Variants in MGMT observed in about 807,000 individuals in gnomAD.
The protein encoded by MGMT is O-6-methylguanine-DNA methyltransferase.
Under a neutral mutation model 15.9 loss-of-function variants are expected in MGMT, and 14 were observed. That is an observed-to-expected ratio of 0.88 (90% CI 0.58 to 1.37). The LOEUF (loss-of-function observed/expected upper bound fraction) is 1.37. Among genes scored for constraint, MGMT ranks in the 40% most tolerant of loss-of-function variants. The probability of loss-of-function intolerance (pLI) is 0.00; values close to 1 mark genes in which losing one functional copy is unlikely to be tolerated. For synonymous variants in MGMT, 130 were observed against 118.2 expected (o/e 1.10, Z -0.65); for missense variants, 282 against 268.1 (o/e 1.05, Z -0.36).
chr10:129,501,682 T>G (rs1210112590), intron 1 of MGMT, among the ~76,000 whole-genome samples: 1 of 152,214 alleles, frequency 6.6e-6, no homozygotes, highest in African/African-American at 2.4e-5. Context: ...AGGTGATGAT[T>G]TTAATGGTAT....
At chr10:129,568,370 C>T (rs192250771) in intron 2 of MGMT, among the ~76,000 whole-genome samples, 18 of 152,302 alleles carry the variant, frequency 1.2e-4, no homozygotes, top group South Asian at 4.2e-4. Context: ...GATTCCTCCT[C>T]GTCAGGAGCC....
chr10:129,639,978 T>G (rs1484027240), intron 2 of MGMT, among the ~76,000 whole-genome samples: 2 of 150,504 alleles, frequency 1.3e-5, no homozygotes, highest in Non-Finnish European at 2.9e-5. Flanking sequence ...TGAAGTCATA[T>G]ATTAACAATG....
intron 1 of MGMT, among the ~76,000 whole-genome samples, chr10:129,489,605 T>C (rs1050766868): frequency 3.3e-5 from 5 of 152,112 alleles, no homozygotes; most frequent in Admixed American, 2.0e-4. Flanking sequence ...GAATATGCGC[T>C]CTTGCACTCT....
chr10:129,757,403 C>A (rs1589978685), intron 3 of MGMT, among the ~76,000 whole-genome samples: 2 of 152,188 alleles, frequency 1.3e-5, no homozygotes, highest in South Asian at 4.1e-4. Context: ...GCACACACCT[C>A]CCTCGTTTCA....
chr10:129,636,003 C>T (rs117995847), intron 2 of MGMT, among the ~76,000 whole-genome samples: 4,582 of 152,310 alleles, frequency 0.03, 109 homozygotes, highest in Non-Finnish European at 0.048. Flanking sequence ...TTAAAATATG[C>T]ATGCTCTTGG....
chr10:129,646,748 A>ATATATATATATATATATATATG (rs1847396387), intron 2 of MGMT, among the ~76,000 whole-genome samples: 1 of 63,644 alleles, frequency 1.6e-5, no homozygotes, highest in Non-Finnish European at 3.5e-5. Flanking sequence ...ATATATATAT[A>ATATATATATATATATATATATG]TATATATTTT....
intron 3 of MGMT, among the ~76,000 whole-genome samples, chr10:129,746,285 G>A (rs1435959323): frequency 6.8e-6 from 1 of 147,454 alleles, no homozygotes; most frequent in East Asian, 2.0e-4. Context: ...GACTTTCATA[G>A]ACCAAACTTT....
At chr10:129,755,356 G>T (rs1276903112) in intron 3 of MGMT, among the ~76,000 whole-genome samples, 1 of 152,224 alleles carries the variant, frequency 6.6e-6, no homozygotes, top group Non-Finnish European at 1.5e-5. Context: ...GCACAGGGAT[G>T]TCCTGCAGGA....
At chr10:129,487,546 C>CT (rs548567927) in intron 1 of MGMT, among the ~76,000 whole-genome samples, 43 of 150,018 alleles carry the variant, frequency 2.9e-4, no homozygotes, top group East Asian at 2.2e-3. Flanking sequence ...TTTTGTTTTC[C>CT]TTTTTTTTTG....
At chr10:129,621,106 T>G (rs191204037) in intron 2 of MGMT, among the ~76,000 whole-genome samples, 223 of 152,336 alleles carry the variant, frequency 1.5e-3, no homozygotes, top group Non-Finnish European at 2.8e-3. Flanking sequence ...GAACTGGGTA[T>G]GCAATTACGT....
chr10:129,524,980 C>G (rs552692617), intron 1 of MGMT, among the ~76,000 whole-genome samples: 20 of 152,218 alleles, frequency 1.3e-4, no homozygotes, highest in Admixed American at 5.2e-4. Flanking sequence ...GCTAAACTGT[C>G]GGAATGGATA....
At chr10:129,623,789 A>G (rs897937707) in intron 2 of MGMT, among the ~76,000 whole-genome samples, 6 of 152,184 alleles carry the variant, frequency 3.9e-5, no homozygotes, top group African/African-American at 1.4e-4. Context: ...CAAAGGAGTT[A>G]GGATTACAGG....
chr10:129,665,676 T>G (rs565858041), intron 2 of MGMT, among the ~76,000 whole-genome samples: 1 of 152,284 alleles, frequency 6.6e-6, no homozygotes, highest in South Asian at 2.1e-4. Context: ...AACTCTGGCT[T>G]GATCTTAGTG....
chr10:129,687,043 T>C (rs1446163146), intron 2 of MGMT, among the ~76,000 whole-genome samples: 3 of 152,198 alleles, frequency 2.0e-5, no homozygotes, highest in Non-Finnish European at 2.9e-5. Flanking sequence ...TCTGTTGCAC[T>C]CACCCTCCCA....
chr10:129,512,087 G>A (rs1168991884), intron 1 of MGMT, among the ~76,000 whole-genome samples: 1 of 152,180 alleles, frequency 6.6e-6, no homozygotes, highest in African/African-American at 2.4e-5. Flanking sequence ...GCAGATGCAG[G>A]ATGCTGGAGA....
chr10:129,732,056 C>T (rs1447428712), intron 3 of MGMT, among the ~76,000 whole-genome samples: 3 of 152,292 alleles, frequency 2.0e-5, no homozygotes, highest in Admixed American at 2.0e-4. Context: ...CCCTGATGAT[C>T]CCTAGACCAC....
chr10:129,738,229 A>G (rs2094292), intron 3 of MGMT, among the ~76,000 whole-genome samples: 83,592 of 152,064 alleles, frequency 0.55, 23,274 homozygotes, highest in Middle Eastern at 0.72. Flanking sequence ...AGGACCCTCC[A>G]AGCCAGGTGC....
chr10:129,584,439 G>GT (rs143383713), intron 2 of MGMT, among the ~76,000 whole-genome samples: 59,393 of 149,120 alleles, frequency 0.4, 12,545 homozygotes, highest in East Asian at 0.64. Flanking sequence ...GGCTTAATTT[G>GT]TTTTTTTTTT....
At chr10:129,603,928 C>G (rs1846855289) in intron 2 of MGMT, among the ~76,000 whole-genome samples, 1 of 152,188 alleles carries the variant, frequency 6.6e-6, no homozygotes, top group Admixed American at 6.5e-5. Flanking sequence ...AGGTTCTCAC[C>G]TTTGTTACCT....
Sources: allele counts gnomAD v4.1 joint callset (sites outside exome capture counted in the v4.1 genomes callset), GRCh38; gene constraint gnomAD v4.1.1; transcripts MANE v1.5; gene names NCBI Gene and HGNC (gene_info 2026-07-23, HGNC 2026-07-21).